THRB: variants seen among roughly 807,000 people sequenced by gnomAD.
The protein encoded by THRB is nuclear receptor subfamily 1 group A member 2.
A neutral mutation model predicts 47.8 loss-of-function variants in THRB; 12 were observed. The observed-to-expected ratio is 0.25, with a 90% CI of 0.16 to 0.41. The LOEUF is 0.41. Among genes scored for constraint, THRB ranks in the 10% least tolerant of loss-of-function variants. The pLI is 1.00. For synonymous variants in THRB, 218 were observed against 212.2 expected (o/e 1.03, Z -0.24); for missense variants, 348 against 589.2 (o/e 0.59, Z 4.24).
chr3:24,233,587 G>GAAAGAAAGAAAAAT (rs2048516295), intron 3 of THRB, among the ~76,000 whole-genome samples: 8 of 112,020 alleles, frequency 7.1e-5, no homozygotes, highest in East Asian at 6.7e-4. Context: ...AAGAAAGAAA[G>GAAAGAAAGAAAAAT]AAAGAAAGAA....
At chr3:24,202,412 A>C (rs1265415340) in intron 4 of THRB, among the ~76,000 whole-genome samples, 1 of 152,178 alleles carries the variant, frequency 6.6e-6, no homozygotes, top group Non-Finnish European at 1.5e-5. Flanking sequence ...TCATCTAGTA[A>C]ATTAACCAAA....
intron 1 of THRB, among the ~76,000 whole-genome samples, chr3:24,439,951 T>A (rs567290390): frequency 6.6e-6 from 1 of 152,186 alleles, no homozygotes; most frequent in Non-Finnish European, 1.5e-5. Context: ...GTGACCCACA[T>A]AGATCAAAGG....
chr3:24,220,325 T>C (rs2047023652), intron 4 of THRB, among the ~76,000 whole-genome samples: 1 of 151,984 alleles, frequency 6.6e-6, no homozygotes. Context: ...ACCCCATCTC[T>C]ACAAAAAATA....
chr3:24,411,561 T>C (rs935368124), intron 1 of THRB, among the ~76,000 whole-genome samples: 2 of 151,754 alleles, frequency 1.3e-5, no homozygotes, highest in Non-Finnish European at 2.9e-5. Flanking sequence ...GTATTACTAA[T>C]ATTATAAATA....
intron 1 of THRB, among the ~76,000 whole-genome samples, chr3:24,468,240 T>C (rs561266793): frequency 6.6e-6 from 1 of 152,350 alleles, no homozygotes; most frequent in African/African-American, 2.4e-5. Context: ...AAGGGAATGT[T>C]GCGGCTGGTT....
chr3:24,433,336 T>G (rs2070636392), intron 1 of THRB, among the ~76,000 whole-genome samples: 1 of 152,110 alleles, frequency 6.6e-6, no homozygotes, highest in African/African-American at 2.4e-5. Flanking sequence ...GTCATAAAAT[T>G]CCTTATAAAA....
chr3:24,155,765 A>G (rs2037730721), intron 5 of THRB, among the ~76,000 whole-genome samples: 1 of 152,204 alleles, frequency 6.6e-6, no homozygotes, highest in Non-Finnish European at 1.5e-5. Context: ...GACACTGATG[A>G]GTGTCATAAT....
intron 1 of THRB, among the ~76,000 whole-genome samples, chr3:24,386,272 TCTTTCTA>T (rs1370500381): frequency 6.6e-6 from 1 of 152,112 alleles, no homozygotes; most frequent in Non-Finnish European, 1.5e-5. Flanking sequence ...GTCTTCTATT[TCTTTCTA>T]CTTGCCCTGT....
intron 3 of THRB, among the ~76,000 whole-genome samples, chr3:24,286,737 A>G (rs1055354841): frequency 2.6e-5 from 4 of 152,226 alleles, no homozygotes; most frequent in African/African-American, 9.6e-5. Flanking sequence ...ATTTTATGTC[A>G]AAGTTTTCTC....
chr3:24,123,215 G>T, intron 10 of THRB, 90 bp from the exon 11 acceptor site: 1 of 1,579,528 alleles, frequency 6.3e-7, no homozygotes, highest in Non-Finnish European at 8.6e-7. Flanking sequence ...TGGGGGGCGG[G>T]CAGATCTAGG....
chr3:24,286,398 A>G (rs1262030721), intron 3 of THRB, among the ~76,000 whole-genome samples: 1 of 152,204 alleles, frequency 6.6e-6, no homozygotes, highest in African/African-American at 2.4e-5. Flanking sequence ...GAGGAAAGAA[A>G]GAAATCCCAG....
At chr3:24,362,737 A>T (rs2064163199) in intron 1 of THRB, among the ~76,000 whole-genome samples, 1 of 152,216 alleles carries the variant, frequency 6.6e-6, no homozygotes, top group Admixed American at 6.5e-5. Context: ...ACCATAAGAG[A>T]TAGGTGCTAT....
chr3:24,361,833 T>G (rs1031201459), intron 1 of THRB, among the ~76,000 whole-genome samples: 3 of 152,134 alleles, frequency 2.0e-5, no homozygotes, highest in Admixed American at 2.0e-4. Context: ...ATATACCACA[T>G]GTTGAATTTG....
intron 1 of THRB, among the ~76,000 whole-genome samples, chr3:24,435,153 C>T (rs1428603262): frequency 6.6e-6 from 1 of 152,078 alleles, no homozygotes; most frequent in Non-Finnish European, 1.5e-5. Context: ...AGGCTTCCAG[C>T]TTGGCTGATT....
rs375271473 is a variant in THRB, at chr3:24,474,129, T to C, written c.-261+20523A>G. Reference sequence around the variant, plus strand: ...TATAATTTAAAAAAAGTTCGTTGTATGCTTTGTTTTATGTGGTATTACACT... The same window carrying C: ...TATAATTTAAAAAAAGTTCGTTGTACGCTTTGTTTTATGTGGTATTACACT... On this transcript the variant is annotated intron_variant, in intron 1 of 10. Transcript: ENST00000646209. 7.2e-5 allele frequency among the ~76,000 whole-genome samples: 11 copies of C among 152,328 alleles called. No homozygotes were observed. The East Asian group carries it at 7.7e-4, about 11-fold the overall frequency.
At chr3:24,175,893 CAAAGGGAAAAGGTT>C (rs879378098) in intron 5 of THRB, among the ~76,000 whole-genome samples, 971 of 152,214 alleles carry the variant, frequency 6.4e-3, no homozygotes, top group South Asian at 0.06. Context: ...TACATAATTA[CAAAGGGAAAAGGTT>C]AGTATTGAAA....
chr3:24,251,252 A>G (rs754314812), intron 3 of THRB, among the ~76,000 whole-genome samples: 2 of 152,152 alleles, frequency 1.3e-5, no homozygotes, highest in African/African-American at 2.4e-5. Flanking sequence ...ATACATTTTT[A>G]TGACTTAAAA....
chr3:24,233,526 G>GAA (rs2048461215), intron 3 of THRB, among the ~76,000 whole-genome samples: 1 of 97,622 alleles, frequency 1.0e-5, no homozygotes, highest in African/African-American at 3.7e-5. Context: ...GGGAAGGAAG[G>GAA]AAGGAAAAGA....
chr3:24,275,631 C>T (rs1007333523), intron 3 of THRB, among the ~76,000 whole-genome samples: 3 of 152,216 alleles, frequency 2.0e-5, no homozygotes, highest in East Asian at 1.9e-4. Context: ...CCAACATGAG[C>T]GAGATGAAAA....
Sources: gnomAD v4.1 joint callset for allele counts (sites outside exome capture counted in the v4.1 genomes callset) on GRCh38, gnomAD v4.1.1 for gene constraint, MANE v1.5 for transcripts, NCBI Gene and HGNC (gene_info 2026-07-23, HGNC 2026-07-21) for gene names.